Variants in HDAC9 observed in about 807,000 individuals in gnomAD.
HDAC9 encodes the protein MEF-2 interacting transcription repressor (MITR) protein.
In HDAC9, 41 loss-of-function variants were observed where a neutral mutation model predicts 139.4. The ratio of observed to expected loss-of-function variants is 0.29; its 90% confidence interval spans 0.23 to 0.38. The LOEUF (loss-of-function observed/expected upper bound fraction) is 0.38. HDAC9 is among the 10% of genes least tolerant of loss of function. The pLI is 1.00. For synonymous variants in HDAC9, 517 were observed against 476.2 expected (o/e 1.09, Z -1.12); for missense variants, 1,147 against 1,297.0 (o/e 0.88, Z 1.78).
intron 17 of HDAC9, among the ~76,000 whole-genome samples, chr7:18,795,209 C>T (rs1792677051): frequency 6.8e-6 from 1 of 146,452 alleles, no homozygotes; most frequent in African/African-American, 2.6e-5. Flanking sequence ...TCTTCCCTTC[C>T]TCTGGTTAAG....
At chr7:18,188,643 T>C (rs946434852) in intron 2 of HDAC9, among the ~76,000 whole-genome samples, 1 of 152,160 alleles carries the variant, frequency 6.6e-6, no homozygotes, top group Non-Finnish European at 1.5e-5. Flanking sequence ...CTTAAACATA[T>C]TTACAAGAAA....
intron 12 of HDAC9, among the ~76,000 whole-genome samples, chr7:18,725,898 G>C (rs995795337): frequency 7.2e-5 from 11 of 152,080 alleles, no homozygotes; most frequent in East Asian, 1.9e-4. Flanking sequence ...CTAGAACTAG[G>C]TCCCTGACCA....
In HDAC9 at chr7:18,746,864, T is replaced by C. The variant is rs538478197; in HGVS notation, c.1910-2141T>C. Among the ~76,000 whole-genome samples, 8 of 149,228 alleles carry C rather than the reference T, an allele frequency of 5.4e-5. No homozygotes were observed. In the East Asian group the frequency reaches 1.8e-3, roughly 33 times the overall value. On this transcript the variant is annotated intron_variant, in intron 13 of 25. Transcript: ENST00000686413. The stretch of plus-strand genomic sequence containing the variant: ...ACAAAATTATACAACAATTATATAA[T>C]TGTGACAAATGCTTGAAGGAGATCC...
At chr7:18,273,999 A>G (rs1269704147) in intron 2 of HDAC9, among the ~76,000 whole-genome samples, 2 of 152,202 alleles carry the variant, frequency 1.3e-5, no homozygotes, top group Non-Finnish European at 2.9e-5. Context: ...AATTGGTGAC[A>G]CCTGGGAGAA....
chr7:18,579,574 T>G (rs940976470), intron 2 of HDAC9, among the ~76,000 whole-genome samples: 9 of 152,226 alleles, frequency 5.9e-5, no homozygotes, highest in Admixed American at 5.9e-4. Context: ...ATATGTCGCA[T>G]TGCCAGTGTT....
At chr7:18,417,783 G>A (rs551863108) in intron 1 of HDAC9, among the ~76,000 whole-genome samples, 193 of 152,194 alleles carry the variant, frequency 1.3e-3, no homozygotes, top group Non-Finnish European at 2.2e-3. Flanking sequence ...CTCTCAGGTG[G>A]TACTTTCTCT....
intron 2 of HDAC9, among the ~76,000 whole-genome samples, chr7:18,545,266 G>C (rs1563219028): frequency 6.6e-6 from 1 of 151,820 alleles, no homozygotes; most frequent in African/African-American, 2.4e-5. Flanking sequence ...TTCAACATTA[G>C]CTTTCTTTTT....
chr7:18,476,276 C>A (rs1795105057), intron 1 of HDAC9, among the ~76,000 whole-genome samples: 1 of 151,978 alleles, frequency 6.6e-6, no homozygotes, highest in African/African-American at 2.4e-5. Flanking sequence ...CAGTAATGCC[C>A]ACAAAGACTA....
intron 3 of HDAC9, among the ~76,000 whole-genome samples, chr7:18,590,107 T>A (rs3823969): frequency 0.086 from 13,038 of 152,220 alleles, 820 homozygotes; most frequent in African/African-American, 0.17. Flanking sequence ...TTAGTTTTGA[T>A]AGGGATGCAC....
chr7:18,784,824 G>A (rs1316164244), intron 16 of HDAC9, among the ~76,000 whole-genome samples: 2 of 151,988 alleles, frequency 1.3e-5, no homozygotes, highest in Non-Finnish European at 2.9e-5. Flanking sequence ...ATGAATCATG[G>A]CCACTCAAAG....
At chr7:18,976,413 A>G (rs1784554108) in intron 25 of HDAC9, among the ~76,000 whole-genome samples, 1 of 152,172 alleles carries the variant, frequency 6.6e-6, no homozygotes, top group African/African-American at 2.4e-5. Flanking sequence ...AAATACATAC[A>G]CACTCCTTAC....
chr7:18,106,730 A>C (rs1278187609), intron 1 of HDAC9, among the ~76,000 whole-genome samples: 1 of 152,210 alleles, frequency 6.6e-6, no homozygotes, highest in Non-Finnish European at 1.5e-5. Flanking sequence ...CTGGGATTAC[A>C]GGCGTGAGCC....
intron 6 of HDAC9, among the ~76,000 whole-genome samples, chr7:18,616,948 A>G (rs1269651168): frequency 1.3e-5 from 2 of 152,202 alleles, no homozygotes; most frequent in Non-Finnish European, 2.9e-5. Context: ...GACGTTTAAA[A>G]AATGTACGTG....
intron 14 of HDAC9, among the ~76,000 whole-genome samples, chr7:18,754,929 C>A (rs1332201722): frequency 6.6e-6 from 1 of 152,098 alleles, no homozygotes; most frequent in East Asian, 1.9e-4. Flanking sequence ...ATCAAGACTG[C>A]AAAGCGCTGA....
At chr7:18,144,050 GT>G in intron 1 of HDAC9, among the ~76,000 whole-genome samples, 1 of 152,136 alleles carries the variant, frequency 6.6e-6, no homozygotes, top group African/African-American at 2.4e-5. Context: ...GTCACACCTG[GT>G]TTTGATTTTA....
intron 17 of HDAC9, among the ~76,000 whole-genome samples, chr7:18,826,938 G>T (rs1585110973): frequency 6.7e-6 from 1 of 150,282 alleles, no homozygotes; most frequent in African/African-American, 2.4e-5. Context: ...ATTCATTTTT[G>T]TTATAAAACT....
chr7:18,161,668 A>C (rs1052220302), intron 1 of HDAC9, among the ~76,000 whole-genome samples: 1 of 152,176 alleles, frequency 6.6e-6, no homozygotes, highest in African/African-American at 2.4e-5. Flanking sequence ...TATGGTTGCT[A>C]TTACTTTGGG....
At chr7:18,370,921 T>C (rs1456010172) in intron 1 of HDAC9, among the ~76,000 whole-genome samples, 1 of 152,166 alleles carries the variant, frequency 6.6e-6, no homozygotes, top group African/African-American at 2.4e-5. Context: ...TCCTAAGCAC[T>C]GAAACTGTCA....
rs554463929 is a variant in HDAC9 at position 18,951,799 on chromosome 7, A to G, written c.2938-2347A>G. Among the ~76,000 whole-genome samples the G allele has an allele frequency of 2.6e-5, 4 of 151,982 alleles. No homozygotes were observed. The East Asian group carries it at 7.7e-4, about 29-fold the overall frequency. On this transcript the variant is annotated intron_variant, in intron 23 of 25. Coordinates refer to ENST00000686413, the MANE Select transcript of HDAC9 (RefSeq NM_178425.4). Reference sequence around the variant, plus strand: ...TAAATTATGAATAATGACAACACTCATAAATATTTATTAAGTGGATGCTTC... The same window carrying G: ...TAAATTATGAATAATGACAACACTCGTAAATATTTATTAAGTGGATGCTTC...
Sources: allele counts gnomAD v4.1 joint callset (sites outside exome capture counted in the v4.1 genomes callset), GRCh38; gene constraint gnomAD v4.1.1; transcripts MANE v1.5; gene names NCBI Gene and HGNC (gene_info 2026-07-23, HGNC 2026-07-21).